The following PCDHGA3 variants were observed in gnomAD, a reference collection of about 807,000 sequenced individuals.
PCDHGA3 encodes protocadherin gamma-A3.
PCDHGA3 carries 40 observed loss-of-function variants against 58.5 expected under a neutral mutation model. The ratio of observed to expected loss-of-function variants is 0.68; its 90% confidence interval spans 0.53 to 0.89. The LOEUF (loss-of-function observed/expected upper bound fraction) is 0.89. Ranked by LOEUF, PCDHGA3 falls within the 40% of genes least tolerant of loss-of-function variation. The pLI, the probability that PCDHGA3 is intolerant of heterozygous loss-of-function variation, is 0.00. For synonymous variants in PCDHGA3, 530 were observed against 525.7 expected (o/e 1.01, Z -0.11); for missense variants, 1,223 against 1,195.9 (o/e 1.02, Z -0.33).
chr5:141,368,384 C>A (rs1263453291), intron 1 of PCDHGA3, among the ~76,000 whole-genome samples: 1 of 151,986 alleles, frequency 6.6e-6, no homozygotes, highest in Non-Finnish European at 1.5e-5. Context: ...TACACACATA[C>A]ACACACACAA....
chr5:141,348,591 T>G (rs1758146416), intron 1 of PCDHGA3, among the ~76,000 whole-genome samples: 1 of 152,218 alleles, frequency 6.6e-6, no homozygotes, highest in African/African-American at 2.4e-5. Context: ...GAAAATACAC[T>G]GAGAGTATGG....
chr5:141,442,135 G>C lies in PCDHGA3; in HGVS notation c.2425-52672G>C, dbSNP rs868124128. 8 of 164,066 alleles carry C rather than the reference G, an allele frequency of 4.9e-5. 1 individual carries two copies. The highest frequency in any genetic ancestry group is 2.8e-4 in the South Asian group (2 of 7,026). 10.2% of individuals were successfully genotyped at this position (164,066 alleles called of 1,614,324 possible). On this transcript the variant is annotated intron_variant, in intron 1 of 3. Transcript: ENST00000253812. ...CCCTCGTCGCCGACAGCCTGCAGGA[G>C]ACTCTGCCAGACCTCAGCGATCACT...
At chr5:141,449,328 C>G (rs1340432771) in intron 1 of PCDHGA3, among the ~76,000 whole-genome samples, 1 of 151,866 alleles carries the variant, frequency 6.6e-6, no homozygotes, top group African/African-American at 2.4e-5. Flanking sequence ...ATCTGTAGGC[C>G]AGGTGCAGTG....
chr5:141,500,839 G>A (rs2099802871), intron 2 of PCDHGA3, among the ~76,000 whole-genome samples: 1 of 151,906 alleles, frequency 6.6e-6, no homozygotes, highest in African/African-American at 2.4e-5. Flanking sequence ...ATGCTAATGG[G>A]CTTTTGCTAC....
chr5:141,360,844 G>A (rs1164038678), intron 1 of PCDHGA3: 1 of 1,613,980 alleles, frequency 6.2e-7, no homozygotes, highest in South Asian at 1.1e-5. Context: ...GGATGCCAAC[G>A]ATAACCCTCC....
chr5:141,471,635 A>G (rs1477641248), intron 1 of PCDHGA3: 1 of 152,224 alleles, frequency 6.6e-6, no homozygotes, highest in Non-Finnish European at 1.5e-5. Context: ...GGTATGGATT[A>G]GTAATATACT....
rs754590886 is a variant in PCDHGA3 at position 141,344,740 on chromosome 5, A to C, written c.707A>C (p.Asn236Thr). ...LHIQVIVLDA[N>T]DNPPMFTQPE... ...ATCCAAGTGATAGTCCTGGATGCAA[A>C]TGACAACCCACCAATGTTTACTCAG... The change falls in exon 1 of 4, where the codon AAT becomes ACT. Residue 236 changes from asparagine to threonine, a missense_variant. Around this residue, in one of 3 missense-constraint regions of PCDHGA3, gnomAD observed 791 missense variants for 708.5 expected, o/e 1.12. Transcript: ENST00000253812. 2 of 1,613,990 alleles carry C rather than the reference A, an allele frequency of 1.2e-6. No homozygotes were observed. The highest frequency in any genetic ancestry group is 2.2e-5 in the South Asian group (2 of 91,078).
At chr5:141,368,027 C>A (rs1267918873) in intron 1 of PCDHGA3, among the ~76,000 whole-genome samples, 1 of 152,084 alleles carries the variant, frequency 6.6e-6, no homozygotes, top group Non-Finnish European at 1.5e-5. Flanking sequence ...GCCTCAAATT[C>A]CAGGAGGATG....
At chr5:141,428,293 C>G (rs1278634119) in intron 1 of PCDHGA3, 1 of 716,436 alleles carries the variant, frequency 1.4e-6, no homozygotes, top group South Asian at 1.6e-5. Flanking sequence ...AGCAAAGCTG[C>G]AGATTTACCT....
intron 1 of PCDHGA3, chr5:141,415,098 G>T (rs578221269): frequency 1.9e-5 from 31 of 1,613,588 alleles, no homozygotes; most frequent in African/African-American, 1.7e-4. Flanking sequence ...ACAGAGACGC[G>T]CTCAAGCAAA....
Position 141,490,198 on chromosome 5 carries a change from G to A in PCDHGA3, c.2425-4609G>A. ...GGAGTCACGTTTCTATGAAATTCAT[G>A]CAAGAGCCCGTGACCAGGGACAGCC... On this transcript the variant is annotated intron_variant, in intron 1 of 3. Coordinates refer to ENST00000253812, the MANE Select transcript of PCDHGA3 (RefSeq NM_018916.4). The surrounding 1 kb of genome is among the most constrained non-coding windows in gnomAD (Gnocchi z 5.4). The A allele has an allele frequency of 6.2e-7, 1 of 1,614,208 alleles. No homozygotes were observed. Among genetic ancestry groups the A allele is most frequent in the Non-Finnish European group, 8.5e-7 (1 of 1,180,038 alleles).
intron 1 of PCDHGA3, chr5:141,390,223 G>A (rs137959577): frequency 3.7e-6 from 6 of 1,614,020 alleles, no homozygotes; most frequent in East Asian, 2.2e-5. Context: ...ATACTTTGCG[G>A]TGATTCATCT....
intron 1 of PCDHGA3, among the ~76,000 whole-genome samples, chr5:141,446,961 GA>G (rs1466390366): frequency 2.0e-5 from 3 of 152,070 alleles, no homozygotes; most frequent in Admixed American, 1.3e-4. Context: ...AGCACCCAGG[GA>G]AATTTGCTGT....
intron 1 of PCDHGA3, chr5:141,376,748 G>A (rs1210343016): frequency 4.3e-6 from 2 of 467,530 alleles, no homozygotes; most frequent in Non-Finnish European, 7.4e-6. Flanking sequence ...CTGCAGTGGC[G>A]CAATCTCGGC....
chr5:141,383,312 T>C (rs1271523069), intron 1 of PCDHGA3: 1 of 1,613,832 alleles, frequency 6.2e-7, no homozygotes, highest in Admixed American at 1.7e-5. Flanking sequence ...ACGGAAGAAA[T>C]AAATGTAAAA....
intron 1 of PCDHGA3, chr5:141,399,680 A>G (rs1182095574): frequency 1.2e-6 from 2 of 1,613,514 alleles, no homozygotes; most frequent in East Asian, 2.2e-5. Context: ...GCCTTTGACT[A>G]CGAGCAGCTG....
intron 2 of PCDHGA3, among the ~76,000 whole-genome samples, chr5:141,499,283 G>T (rs1460838051): frequency 6.6e-6 from 1 of 152,066 alleles, no homozygotes; most frequent in Non-Finnish European, 1.5e-5. Context: ...TTCTCTGATG[G>T]CTCCACACTA....
chr5:141,377,979 G>T (rs887213407), intron 1 of PCDHGA3: 4 of 152,086 alleles, frequency 2.6e-5, no homozygotes, highest in Non-Finnish European at 5.9e-5. Context: ...ATGTTCCTGG[G>T]TTGCAATCCT....
At position 141,491,546 on chromosome 5, in the gene PCDHGA3, C is replaced by T; in HGVS notation, c.2425-3261C>T. ...GAGGTGACGCTGCGGCCCACAGACT[C>T]GCAGAGCCACTGCTACAGGACGTGC... On this transcript the variant is annotated intron_variant, in intron 1 of 3. Transcript: ENST00000253812. This position sits in a 1 kb window ranked among gnomAD's most constrained non-coding sequence, Gnocchi z 6.9. 1.9e-6 allele frequency: 3 copies of T among 1,614,038 alleles called. No homozygotes were observed. Among genetic ancestry groups the T allele is most frequent in the Non-Finnish European group, 2.5e-6 (3 of 1,180,024 alleles).
Sources: allele counts gnomAD v4.1 joint callset (sites outside exome capture counted in the v4.1 genomes callset), GRCh38; gene constraint gnomAD v4.1.1; regional missense constraint gnomAD v4.1.1; non-coding constraint Gnocchi (gnomAD v3.1); transcripts MANE v1.5; gene names NCBI Gene and HGNC (gene_info 2026-07-23, HGNC 2026-07-21).